PEX14: variants seen among roughly 807,000 people sequenced by gnomAD.
The protein encoded by PEX14 is peroxisomal biogenesis factor 14, also known as peroxisomal membrane protein PEX14.
PEX14 carries 15 observed loss-of-function variants against 49.5 expected under a neutral mutation model. That is an observed-to-expected ratio of 0.30 (90% confidence interval 0.20 to 0.47). The LOEUF is 0.47. Among genes scored for constraint, PEX14 ranks in the 20% least tolerant of loss-of-function variants. PEX14 has a pLI of 1.00. For synonymous variants in PEX14, 210 were observed against 212.7 expected, an observed-to-expected ratio of 0.99 and a Z score of 0.11; for missense variants, 398 against 494.8, an observed-to-expected ratio of 0.80 and a Z score of 1.86.
chr1:10,568,970 C>T (rs11121595), intron 3 of PEX14, among the ~76,000 whole-genome samples: 3,864 of 152,144 alleles, frequency 0.025, 173 homozygotes, highest in African/African-American at 0.088. Context: ...GAACTCCTGA[C>T]CTCAAGTGAT....
intron 2 of PEX14, among the ~76,000 whole-genome samples, chr1:10,518,852 C>T (rs1263019216): frequency 6.6e-6 from 1 of 152,106 alleles, no homozygotes; most frequent in Middle Eastern, 3.2e-3. Flanking sequence ...GGATTTCATC[C>T]TTGATTTACA....
Position 10,623,207 on chromosome 1 carries a change from C to T in PEX14, c.487+86C>T. 1 of 837,092 alleles carries T rather than the reference C, an allele frequency of 1.2e-6. No individual in the cohort carries two copies. The highest frequency in any genetic ancestry group is 1.4e-5 in the South Asian group (1 of 69,956). 51.9% of individuals were successfully genotyped at this position (837,092 alleles called of 1,614,324 possible). ...TGCCCCTCCCCTCTCCCTCTGTCTC[C>T]ACTCTATGTGGTGACTTCATTTATC... On this transcript the variant is annotated intron_variant, in intron 6 of 8. Transcript: ENST00000356607. This position sits in a 1 kb window ranked among gnomAD's most constrained non-coding sequence, Gnocchi z 4.4.
intron 4 of PEX14, among the ~76,000 whole-genome samples, chr1:10,604,061 T>C (rs1002420292): frequency 7.2e-5 from 11 of 152,354 alleles, no homozygotes; most frequent in African/African-American, 2.6e-4. Flanking sequence ...ATGCCTACTG[T>C]GTGCCAGACC....
At chr1:10,510,790 C>T (rs896297507) in intron 2 of PEX14, among the ~76,000 whole-genome samples, 28 of 152,112 alleles carry the variant, frequency 1.8e-4, no homozygotes, top group African/African-American at 5.6e-4. Context: ...TGCTGCCTGG[C>T]GTCCTGCTAG....
At chr1:10,591,833 C>T (rs1039669350) in intron 3 of PEX14, among the ~76,000 whole-genome samples, 1 of 152,164 alleles carries the variant, frequency 6.6e-6, no homozygotes, top group Non-Finnish European at 1.5e-5. Flanking sequence ...GCTGCCCATG[C>T]TCCCCGCCCC....
chr1:10,576,390 G>A (rs1340197344), intron 3 of PEX14, among the ~76,000 whole-genome samples: 2 of 152,058 alleles, frequency 1.3e-5, no homozygotes, highest in African/African-American at 2.4e-5. Flanking sequence ...TACGAGGTAT[G>A]TATTTTTTAT....
At chr1:10,519,467 G>C (rs1232259642) in intron 2 of PEX14, among the ~76,000 whole-genome samples, 16 of 152,196 alleles carry the variant, frequency 1.1e-4, no homozygotes, top group Non-Finnish European at 2.1e-4. Context: ...TTGTGATCCG[G>C]AATACCACCG....
intron 2 of PEX14, among the ~76,000 whole-genome samples, chr1:10,507,274 G>A (rs1641800122): frequency 6.6e-6 from 1 of 152,258 alleles, no homozygotes; most frequent in Non-Finnish European, 1.5e-5. Flanking sequence ...AGCAGGTATG[G>A]GTGCGGTGTG....
intron 1 of PEX14, among the ~76,000 whole-genome samples, chr1:10,475,234 C>T (rs891658287): frequency 6.6e-6 from 1 of 152,062 alleles, no homozygotes; most frequent in Non-Finnish European, 1.5e-5. Context: ...GGCTGTGCCC[C>T]CGGGTCCCCA....
intron 4 of PEX14, among the ~76,000 whole-genome samples, chr1:10,615,851 T>C (rs1641398891): frequency 1.3e-5 from 2 of 152,182 alleles, no homozygotes; most frequent in Admixed American, 1.3e-4. Context: ...ACCTTAGGTG[T>C]GCACACAGAC....
intron 8 of PEX14, among the ~76,000 whole-genome samples, chr1:10,627,738 C>T (rs1002518578): frequency 2.6e-5 from 4 of 152,144 alleles, no homozygotes; most frequent in South Asian, 4.1e-4. Flanking sequence ...AAAGCCCCTG[C>T]GGGAGAGTCT....
intron 3 of PEX14, among the ~76,000 whole-genome samples, chr1:10,558,483 C>T (rs796722596): frequency 4.6e-5 from 7 of 151,864 alleles, no homozygotes; most frequent in African/African-American, 1.7e-4. Context: ...GCCTGTAATC[C>T]CAGCACTTTG....
rs1641944129 is a variant in PEX14 at position 10,514,828 on chromosome 1, C to T, written c.84+19507C>T. 1.3e-5 allele frequency among the ~76,000 whole-genome samples: 2 copies of T among 152,184 alleles called. No individual in the cohort carries two copies. The highest frequency in any genetic ancestry group is 1.5e-5 in the Non-Finnish European group (1 of 68,032). On this transcript the variant is annotated intron_variant, in intron 2 of 8. Transcript: ENST00000356607. The surrounding 1 kb of genome is among the most constrained non-coding windows in gnomAD (Gnocchi z 4.4). Reference sequence around the variant, plus strand: ...GTTCTTGAAAATTGTGTACTGATTGCGATCTGTTCTGCTATCACCTGCAGT... The same window carrying T: ...GTTCTTGAAAATTGTGTACTGATTGTGATCTGTTCTGCTATCACCTGCAGT...
intron 2 of PEX14, among the ~76,000 whole-genome samples, chr1:10,532,953 A>G (rs1056370856): frequency 1.3e-5 from 2 of 152,174 alleles, no homozygotes; most frequent in Non-Finnish European, 2.9e-5. Context: ...TGTTAGCATT[A>G]TGGGTAAAGA....
At position 10,623,183 on chromosome 1, in the gene PEX14, G is replaced by T; in HGVS notation, c.487+62G>T. On this transcript the variant is annotated intron_variant, in intron 6 of 8. Transcript: ENST00000356607. The surrounding 1 kb of genome is among the most constrained non-coding windows in gnomAD (Gnocchi z 4.4). ...GCCTTCTCCAAGCAGCCCCTTCTCTGCCCCTCCCCTCTCCCTCTGTCTCCA... is the reference window on the plus strand; with the variant it reads ...GCCTTCTCCAAGCAGCCCCTTCTCTTCCCCTCCCCTCTCCCTCTGTCTCCA... 1 of 1,023,670 alleles carries T rather than the reference G, an allele frequency of 9.8e-7. No individual in the cohort carries two copies. Among genetic ancestry groups the T allele is most frequent in the Non-Finnish European group, 1.5e-6 (1 of 655,594 alleles). 63.4% of individuals were successfully genotyped at this position (1,023,670 alleles called of 1,614,324 possible).
chr1:10,623,646 T>G lies in PEX14; in HGVS notation c.487+525T>G, dbSNP rs549120338. On this transcript the variant is annotated intron_variant, in intron 6 of 8. Transcript: ENST00000356607. The surrounding 1 kb of genome is among the most constrained non-coding windows in gnomAD (Gnocchi z 4.4). ...AGGTGGCTTCTCTTCTTTATAAACT[T>G]GTTTACTAGACGGCAGCTCTGAATC... 6.6e-6 allele frequency among the ~76,000 whole-genome samples: 1 copy of G among 152,272 alleles called. No homozygotes were observed. Among genetic ancestry groups the G allele is most frequent in the East Asian group, 1.9e-4 (1 of 5,182 alleles).
intron 3 of PEX14, among the ~76,000 whole-genome samples, chr1:10,558,085 T>C (rs1639547139): frequency 6.6e-6 from 1 of 152,232 alleles, no homozygotes; most frequent in Middle Eastern, 3.2e-3. Context: ...TCTGTTGTTG[T>C]GCTAATGCTG....
intron 2 of PEX14, among the ~76,000 whole-genome samples, chr1:10,516,113 T>G (rs1264229377): frequency 6.6e-6 from 1 of 152,240 alleles, no homozygotes; most frequent in Admixed American, 6.5e-5. Context: ...ACTCCTTTTC[T>G]GGCAGAATAC....
In PEX14 at chr1:10,567,207, CA is replaced by C. The variant is rs549859318; in HGVS notation, c.169+30915del. ...AACCATTCTTAGCTTGCAGGCCATCCAAAAATAGACAATGGGCTAAATTTGT... is the reference window on the plus strand; with the variant it reads ...AACCATTCTTAGCTTGCAGGCCATCCAAAATAGACAATGGGCTAAATTTGT... On this transcript the variant is annotated intron_variant, in intron 3 of 8. Transcript: ENST00000356607. 6.6e-4 allele frequency among the ~76,000 whole-genome samples: 100 copies of C among 152,296 alleles called. 1 individual carries two copies. The highest frequency in any genetic ancestry group is 2.4e-3 in the African/African-American group (98 of 41,564).
Sources: allele counts gnomAD v4.1 joint callset (sites outside exome capture counted in the v4.1 genomes callset), GRCh38; gene constraint gnomAD v4.1.1; non-coding constraint Gnocchi (gnomAD v3.1); transcripts MANE v1.5; gene names NCBI Gene and HGNC (gene_info 2026-07-23, HGNC 2026-07-21).